Variants in XYLT1 observed in about 807,000 individuals in gnomAD.
XYLT1 encodes beta-D-xylosyltransferase 1.
In XYLT1, 36 loss-of-function variants were observed where a neutral mutation model predicts 91.3. The ratio of observed to expected loss-of-function variants is 0.39; its 90% CI spans 0.30 to 0.52. The LOEUF (loss-of-function observed/expected upper bound fraction) is 0.52, where lower values mean the gene tolerates loss of function less well. XYLT1 is among the 20% of genes least tolerant of loss of function. XYLT1 has a pLI of 0.68. For missense variants in XYLT1, 1,242 were observed against 1,284.5 expected (o/e 0.97, Z 0.51); for synonymous variants, 588 against 532.0 (o/e 1.11, Z -1.45).
intron 3 of XYLT1, among the ~76,000 whole-genome samples, chr16:17,224,943 C>T (rs1006960522): frequency 6.6e-6 from 1 of 152,174 alleles, no homozygotes; most frequent in Non-Finnish European, 1.5e-5. Context: ...CAGCCACAGA[C>T]AAGACCAAAA....
At chr16:17,414,117 G>A (rs1217170140) in intron 1 of XYLT1, among the ~76,000 whole-genome samples, 2 of 152,134 alleles carry the variant, frequency 1.3e-5, no homozygotes, top group Non-Finnish European at 2.9e-5. Context: ...CAAAAAACCA[G>A]GGCCTCCTGC....
At chr16:17,372,625 C>T (rs1053838242) in intron 1 of XYLT1, among the ~76,000 whole-genome samples, 4 of 152,184 alleles carry the variant, frequency 2.6e-5, no homozygotes, top group African/African-American at 9.7e-5. Context: ...GGGTATTTTG[C>T]ATTCAATTAT....
At chr16:17,173,228 G>C (rs1236692687) in intron 5 of XYLT1, among the ~76,000 whole-genome samples, 11 of 152,152 alleles carry the variant, frequency 7.2e-5, no homozygotes, top group Non-Finnish European at 1.6e-4. Flanking sequence ...TGTCAAACAG[G>C]ACGTGTAGTA....
intron 1 of XYLT1, among the ~76,000 whole-genome samples, chr16:17,358,302 T>G (rs1337657661): frequency 6.6e-6 from 1 of 152,060 alleles, no homozygotes; most frequent in African/African-American, 2.4e-5. Flanking sequence ...CCAGGCTTTT[T>G]TAAAAAATTA....
rs151072232 is a variant in XYLT1 at position 17,396,598 on chromosome 16, C to T, written c.364-38548G>A. On this transcript the variant is annotated intron_variant, in intron 1 of 11. Transcript: ENST00000261381. ...ATAAAAAAGCTATCTAGGCTGGGCG[C>T]GGTGGCTCACGCCTATAATCCCAAC... 4.4e-3 allele frequency among the ~76,000 whole-genome samples: 667 copies of T among 152,274 alleles called. 5 individuals are homozygous for T. Among genetic ancestry groups the T allele is most frequent in the African/African-American group, 0.015 (631 of 41,554 alleles).
intron 2 of XYLT1, among the ~76,000 whole-genome samples, chr16:17,347,537 G>A (rs958262904): frequency 2.0e-5 from 3 of 152,212 alleles, no homozygotes; most frequent in Admixed American, 6.5e-5. Context: ...CAAATAGAAT[G>A]ACAGCTATGA....
chr16:17,376,913 A>C (rs2035609891), intron 1 of XYLT1, among the ~76,000 whole-genome samples: 1 of 151,364 alleles, frequency 6.6e-6, no homozygotes, highest in Non-Finnish European at 1.5e-5. Context: ...GTGGTGGCTC[A>C]CACCTGTAAT....
At chr16:17,243,076 A>G (rs1294321893) in intron 3 of XYLT1, among the ~76,000 whole-genome samples, 1 of 152,238 alleles carries the variant, frequency 6.6e-6, no homozygotes, top group Non-Finnish European at 1.5e-5. Flanking sequence ...CCTATAAACA[A>G]AGGTGTACAA....
intron 1 of XYLT1, among the ~76,000 whole-genome samples, chr16:17,421,101 T>C (rs949192098): frequency 6.6e-6 from 1 of 152,148 alleles, no homozygotes; most frequent in Non-Finnish European, 1.5e-5. Context: ...CTTATTAGAG[T>C]AACCTTACAG....
intron 2 of XYLT1, among the ~76,000 whole-genome samples, chr16:17,305,457 C>T (rs1213745940): frequency 1.3e-5 from 2 of 150,902 alleles, no homozygotes; most frequent in African/African-American, 4.9e-5. Flanking sequence ...ACTCTGTCAC[C>T]CAGGCTGGAG....
At chr16:17,389,609 C>A (rs1166471582) in intron 1 of XYLT1, among the ~76,000 whole-genome samples, 1 of 152,174 alleles carries the variant, frequency 6.6e-6, no homozygotes, top group South Asian at 2.1e-4. Flanking sequence ...CAGCCCCAGG[C>A]CATTTTTACA....
chr16:17,374,981 C>T (rs533284956), intron 1 of XYLT1, among the ~76,000 whole-genome samples: 2 of 152,280 alleles, frequency 1.3e-5, no homozygotes, highest in Admixed American at 6.5e-5. Flanking sequence ...GGATATGGGA[C>T]GTTCAGCACT....
chr16:17,434,629 G>A (rs1217050542), intron 1 of XYLT1, among the ~76,000 whole-genome samples: 4 of 152,216 alleles, frequency 2.6e-5, no homozygotes, highest in Non-Finnish European at 5.9e-5. Flanking sequence ...GGCCAAGGCA[G>A]AAGGATCACT....
At chr16:17,132,686 T>C (rs2030537327) in intron 9 of XYLT1, among the ~76,000 whole-genome samples, 1 of 152,196 alleles carries the variant, frequency 6.6e-6, no homozygotes, top group Non-Finnish European at 1.5e-5. Context: ...GAGGATTGCC[T>C]GAGGTCAGGA....
chr16:17,432,957 C>G (rs1021591727), intron 1 of XYLT1, among the ~76,000 whole-genome samples: 1 of 152,138 alleles, frequency 6.6e-6, no homozygotes, highest in Non-Finnish European at 1.5e-5. Context: ...GAGCATCACT[C>G]GGGCAGAGAC....
chr16:17,310,746 G>A (rs2034535338), intron 2 of XYLT1, among the ~76,000 whole-genome samples: 1 of 152,174 alleles, frequency 6.6e-6, no homozygotes, highest in Non-Finnish European at 1.5e-5. Context: ...CTACTAGGGA[G>A]GCTGAGGCAG....
At chr16:17,321,126 C>G (rs2034712228) in intron 2 of XYLT1, among the ~76,000 whole-genome samples, 1 of 151,900 alleles carries the variant, frequency 6.6e-6, no homozygotes, top group Non-Finnish European at 1.5e-5. Context: ...GGAGTTGTAT[C>G]CATACCCACA....
chr16:17,187,035 A>T lies in XYLT1; in HGVS notation c.1289+11177T>A, dbSNP rs139666807. Among the ~76,000 whole-genome samples the T allele has an allele frequency of 3.3e-5, 5 of 152,170 alleles. No homozygotes were observed. The East Asian group carries it at 7.8e-4, about 24-fold the overall frequency. On this transcript the variant is annotated intron_variant, in intron 5 of 11. Coordinates refer to ENST00000261381, the MANE Select transcript of XYLT1 (RefSeq NM_022166.4). ...AGGAGGAGGGTGGTCCTATTCAGAG[A>T]AATGGGGGAACCAGAAGGGTGACTG...
intron 2 of XYLT1, among the ~76,000 whole-genome samples, chr16:17,266,594 G>C (rs776112924): frequency 6.6e-6 from 1 of 152,140 alleles, no homozygotes; most frequent in Non-Finnish European, 1.5e-5. Context: ...CTGCCTCTCC[G>C]CAGCTATTAG....
Sources: gnomAD v4.1 joint callset for allele counts (sites outside exome capture counted in the v4.1 genomes callset) on GRCh38, gnomAD v4.1.1 for gene constraint, MANE v1.5 for transcripts, NCBI Gene and HGNC (gene_info 2026-07-23, HGNC 2026-07-21) for gene names.